The following GPR35 variants were observed in gnomAD, a reference collection of about 807,000 sequenced individuals.
The protein encoded by GPR35 is KYNA receptor.
For missense variants in GPR35, 372 were observed against 422.5 expected, an observed-to-expected ratio of 0.88 and a Z score of 1.05; for synonymous variants, 207 against 198.4, an observed-to-expected ratio of 1.04 and a Z score of -0.36.
At chr2:240,626,349 G>T (rs1575468803) in intron 1 of GPR35, among the ~76,000 whole-genome samples, 1 of 141,442 alleles carries the variant, frequency 7.1e-6, no homozygotes, top group Non-Finnish European at 1.5e-5. Flanking sequence ...GTGGGGTGAG[G>T]CTGTGACGGG....
At chr2:240,607,824 TC>T (rs2043149464) in intron 2 of GPR35, among the ~76,000 whole-genome samples, 1 of 152,022 alleles carries the variant, frequency 6.6e-6, no homozygotes, top group Non-Finnish European at 1.5e-5. Flanking sequence ...ATTTTCTTTT[TC>T]TTCTTTCTCC....
At position 240,613,393 on chromosome 2, in the gene GPR35, A is replaced by G. The variant is rs140110390; in HGVS notation, c.-576-2995A>G. On this transcript the variant is annotated intron_variant, in intron 2 of 5. Coordinates refer to the GPR35 transcript ENST00000319838. ...CCCTGGACAAGGAGTGAAGAATCTC[A>G]TCAGATGGTTAAAGTGAGGGAGCAC... Among the ~76,000 whole-genome samples, 12 of 152,084 alleles carry G rather than the reference A, an allele frequency of 7.9e-5. No homozygotes were observed. The Middle Eastern group carries it at 0.01, about 129-fold the overall frequency.
At position 240,631,737 on chromosome 2, in the gene GPR35, A is replaced by G. The variant is rs139055519; in HGVS notation, c.*855A>G. Among the ~76,000 whole-genome samples the G allele has an allele frequency of 3.3e-5, 5 of 151,968 alleles. No individual in the cohort carries two copies. The East Asian group carries it at 7.8e-4, about 24-fold the overall frequency. On this transcript the variant is annotated 3_prime_UTR_variant, in exon 2 of 2. Transcript: ENST00000407714. ...TCCTGCTGGTTTCTGCCTCTCCTGT[A>G]CTCCTGCATGGAGGGCATCTCGAAA...
At chr2:240,616,605 C>T (rs1422706886) in intron 3 of GPR35, 4 of 696,274 alleles carry the variant, frequency 5.7e-6, no homozygotes, top group Non-Finnish European at 1.0e-5. Context: ...CTTTGTGAGG[C>T]CAGCAGCCAC....
Position 240,630,511 on chromosome 2 carries a change from G to A in GPR35, c.559G>A (p.Val187Met), listed in dbSNP as rs2043430787. 2 of 1,612,828 alleles carry A rather than the reference G, an allele frequency of 1.2e-6. No individual in the cohort carries two copies. The highest frequency in any genetic ancestry group is 2.7e-5 in the African/African-American group (2 of 74,924). ...GGGATTCTACCTGCCCCTGGCCGTG[G>A]TGGTCTTCTGCTCCCTGAAGGTGGT... is the stretch of plus-strand genomic sequence containing the variant. ...LLGFYLPLAV[V>M]VFCSLKVVTA... Residue 187 changes from valine to methionine, a missense_variant, in exon 2 of 2, where the codon GTG becomes ATG. Transcript: ENST00000407714.
upstream of GPR35, among the ~76,000 whole-genome samples, chr2:240,624,048 T>C (rs2043340254): frequency 6.6e-6 from 1 of 151,456 alleles, no homozygotes; most frequent in Admixed American, 6.6e-5. Context: ...CTGGCTCTGG[T>C]GGGCTGGGTA....
At chr2:240,627,631 T>A (rs1314928116) in intron 1 of GPR35, 1 of 103,946 alleles carries the variant, frequency 9.6e-6, no homozygotes, top group African/African-American at 3.2e-5. Context: ...TTTCTGTCTT[T>A]TTTTTTTTTT....
upstream of GPR35, among the ~76,000 whole-genome samples, chr2:240,624,773 C>G (rs1381720440): frequency 6.6e-6 from 1 of 152,170 alleles, no homozygotes; most frequent in African/African-American, 2.4e-5. Context: ...CCTACGGGCT[C>G]CCCCACCATG....
At chr2:240,606,821 A>T (rs2043139257) in intron 2 of GPR35, among the ~76,000 whole-genome samples, 1 of 152,198 alleles carries the variant, frequency 6.6e-6, no homozygotes. Flanking sequence ...CAGGGGCCTT[A>T]AGTGTTGTTT....
At chr2:240,620,854 T>G (rs552306108), upstream of GPR35, among the ~76,000 whole-genome samples, 45 of 152,214 alleles carry the variant, frequency 3.0e-4, no homozygotes, top group Non-Finnish European at 5.0e-4. Flanking sequence ...CAGTTCTCTA[T>G]ACACTTTTAT....
At chr2:240,615,988 A>G (rs564832375) in intron 2 of GPR35, among the ~76,000 whole-genome samples, 1 of 152,262 alleles carries the variant, frequency 6.6e-6, no homozygotes, top group African/African-American at 2.4e-5. Flanking sequence ...GCCCAACCGC[A>G]GTTGTTGCCA....
intron 4 of GPR35, among the ~76,000 whole-genome samples, chr2:240,618,445 A>G (rs992650782): frequency 4.6e-5 from 7 of 152,260 alleles, no homozygotes; most frequent in African/African-American, 1.4e-4. Context: ...TTGTCAGGCT[A>G]TATGGATATA....
In GPR35 at chr2:240,630,061, C is replaced by T; in HGVS notation, c.109C>T (p.Leu37Phe). ...CGTCCTGCTGGTGCTAGGCCTGCTG[C>T]TCAACAGCCTGGCGCTCTGGGTGTT... ...LGVLLVLGLLLNSLALWVFCC... is the reference protein window; with the variant it reads ...LGVLLVLGLLFNSLALWVFCC... Residue 37 changes from leucine to phenylalanine, a missense_variant, in exon 2 of 2, where the codon CTC becomes TTC. Transcript: ENST00000407714. 1 of 1,612,218 alleles carries T rather than the reference C, an allele frequency of 6.2e-7. No individual in the cohort carries two copies. Among genetic ancestry groups the T allele is most frequent in the Non-Finnish European group, 8.5e-7 (1 of 1,179,966 alleles).
rs1338209271 is a variant in GPR35 at position 240,617,034 on chromosome 2, G to A, written c.-452-56G>A. 5 of 742,218 alleles carry A rather than the reference G, an allele frequency of 6.7e-6. No homozygotes were observed. The Admixed American group carries it at 9.3e-5, about 14-fold the overall frequency. 46.0% of individuals were successfully genotyped at this position (742,218 alleles called of 1,614,324 possible). On this transcript the variant is annotated intron_variant, in intron 3 of 5. Transcript: ENST00000319838. ...AGCTGAGCCTTCTGATGAGACTGCAGCCCCAGCTGACACCTGGATTGCAGA... is the reference window on the plus strand; with the variant it reads ...AGCTGAGCCTTCTGATGAGACTGCAACCCCAGCTGACACCTGGATTGCAGA...
In GPR35 at chr2:240,632,301, G is replaced by T. The variant is rs555917303; in HGVS notation, c.*1419G>T. ...AGGGCCCCATGCCCGGGAGAGTCACGTGCACAGAGGGCCCTGTGCTCAGGA... is the reference window on the plus strand; with the variant it reads ...AGGGCCCCATGCCCGGGAGAGTCACTTGCACAGAGGGCCCTGTGCTCAGGA... On this transcript the variant is annotated 3_prime_UTR_variant, in exon 2 of 2. Transcript: ENST00000407714. Among the ~76,000 whole-genome samples the T allele has an allele frequency of 6.7e-6, 1 of 149,138 alleles. No homozygotes were observed. Among genetic ancestry groups the T allele is most frequent in the Non-Finnish European group, 1.5e-5 (1 of 67,140 alleles).
intron 2 of GPR35, chr2:240,616,375 A>C: frequency 1.3e-6 from 1 of 762,300 alleles, no homozygotes. Context: ...CCGTCTCTCT[A>C]TTCCCCTCCT....
chr2:240,622,312 G>T (rs1192931516), upstream of GPR35, among the ~76,000 whole-genome samples: 1 of 152,206 alleles, frequency 6.6e-6, no homozygotes, highest in Non-Finnish European at 1.5e-5. Context: ...ACCATGGGCT[G>T]TGGCTGGCAG....
rs911754217 is a variant in GPR35, at chr2:240,608,006, C to G, written c.-577+1394C>G. Among the ~76,000 whole-genome samples, 7 of 152,266 alleles carry G rather than the reference C, an allele frequency of 4.6e-5. No individual in the cohort carries two copies. The South Asian group carries it at 1.2e-3, about 27-fold the overall frequency. On this transcript the variant is annotated intron_variant, in intron 2 of 5. Transcript: ENST00000319838. ...TCCTGGGCTCAAGTGATCCTCCCAC[C>G]TCAGCTTCCCAAGTAGCCAGGACTA...
rs745787890 is a variant in GPR35, at chr2:240,616,481, C to T, written c.-483C>T. ...ATGCCTGCCAATCTCCTGTCGACTG[C>T]GAGTCAGCTCCGATACTTCACCAGA... is the stretch of plus-strand genomic sequence containing the variant. On this transcript the variant is annotated 5_prime_UTR_variant, in exon 3 of 6. Coordinates refer to the GPR35 transcript ENST00000319838. The T allele has an allele frequency of 1.9e-5, 15 of 780,532 alleles. No homozygotes were observed. Among genetic ancestry groups the T allele is most frequent in the Admixed American group, 5.1e-5 (3 of 59,010 alleles). 48.4% of individuals were successfully genotyped at this position (780,532 alleles called of 1,614,324 possible).
Sources: allele counts gnomAD v4.1 joint callset (sites outside exome capture counted in the v4.1 genomes callset), GRCh38; gene constraint gnomAD v4.1.1; transcripts MANE v1.5; gene names NCBI Gene and HGNC (gene_info 2026-07-23, HGNC 2026-07-21).